FRMD5: variants seen among roughly 807,000 people sequenced by gnomAD.
FRMD5 encodes the protein FERM domain containing 5.
In FRMD5, 20 loss-of-function variants were observed where a neutral mutation model predicts 69.0. The observed-to-expected ratio is 0.29, with a 90% CI of 0.20 to 0.42. The LOEUF is 0.42. FRMD5 is among the 10% of genes least tolerant of loss of function. FRMD5 has a pLI of 1.00. For missense variants in FRMD5, 595 were observed against 708.6 expected, an observed-to-expected ratio of 0.84 and a Z score of 1.82; for synonymous variants, 271 against 260.1, an observed-to-expected ratio of 1.04 and a Z score of -0.40.
intron 1 of FRMD5, among the ~76,000 whole-genome samples, chr15:44,015,185 G>C (rs1014774184): frequency 6.6e-6 from 1 of 151,816 alleles, no homozygotes; most frequent in Non-Finnish European, 1.5e-5. Context: ...GCCTAGGCTG[G>C]AGTATAACAG....
chr15:43,990,986 G>A (rs1889647228), intron 1 of FRMD5, among the ~76,000 whole-genome samples: 1 of 152,124 alleles, frequency 6.6e-6, no homozygotes, highest in Non-Finnish European at 1.5e-5. Flanking sequence ...AGTGAAAGAG[G>A]TACTATATAT....
intron 8 of FRMD5, among the ~76,000 whole-genome samples, chr15:43,889,859 G>A (rs2088753632): frequency 6.6e-6 from 1 of 152,152 alleles, no homozygotes; most frequent in Admixed American, 6.5e-5. Context: ...GTCTTGTCAT[G>A]CACATTCACC....
chr15:43,874,985 G>A (rs938732890), intron 13 of FRMD5, among the ~76,000 whole-genome samples: 1 of 152,080 alleles, frequency 6.6e-6, no homozygotes, highest in Non-Finnish European at 1.5e-5. Context: ...GGATCATGAG[G>A]TAAGGAGTTC....
chr15:44,138,343 T>C (rs746148406), intron 1 of FRMD5, among the ~76,000 whole-genome samples: 1 of 152,054 alleles, frequency 6.6e-6, no homozygotes, highest in African/African-American at 2.4e-5. Context: ...CCAATCAGGA[T>C]AAACATAAAT....
In FRMD5 at chr15:43,873,281, G is replaced by C; in HGVS notation, c.*604C>G. Reference sequence around the variant, plus strand: ...AATCCAACTCAGACCATCATAAGAAGCAACTTTCCATTTAATCATTCTACA... The same window carrying C: ...AATCCAACTCAGACCATCATAAGAACCAACTTTCCATTTAATCATTCTACA... On this transcript the variant is annotated 3_prime_UTR_variant, in exon 14 of 14. Coordinates refer to ENST00000417257, the MANE Select transcript of FRMD5 (RefSeq NM_032892.5). The C allele has an allele frequency of 6.5e-7, 1 of 1,537,002 alleles. No individual in the cohort carries two copies. The highest frequency in any genetic ancestry group is 1.7e-4 in the Middle Eastern group (1 of 5,920).
intron 1 of FRMD5, among the ~76,000 whole-genome samples, chr15:44,029,742 C>A (rs1228470412): frequency 6.6e-6 from 1 of 152,182 alleles, no homozygotes; most frequent in East Asian, 1.9e-4. Context: ...AATTACCTAT[C>A]AGGCTTTAAA....
At chr15:44,178,534 G>A (rs1372936762) in intron 1 of FRMD5, among the ~76,000 whole-genome samples, 3 of 152,054 alleles carry the variant, frequency 2.0e-5, no homozygotes, top group East Asian at 1.9e-4. Flanking sequence ...CAATATAGTC[G>A]AAAACATATG....
chr15:43,890,707 T>C (rs949014933), intron 8 of FRMD5, among the ~76,000 whole-genome samples: 4 of 152,088 alleles, frequency 2.6e-5, no homozygotes, highest in African/African-American at 9.7e-5. Flanking sequence ...GAAACAGGTA[T>C]GTTGGGGTGT....
intron 1 of FRMD5, among the ~76,000 whole-genome samples, chr15:44,021,121 C>CA (rs908749065): frequency 6.6e-6 from 1 of 151,904 alleles, no homozygotes; most frequent in East Asian, 1.9e-4. Flanking sequence ...CCAGTCTCTA[C>CA]AAAAAAATAC....
intron 1 of FRMD5, among the ~76,000 whole-genome samples, chr15:44,116,224 TATAG>T (rs1566953962): frequency 6.7e-6 from 1 of 149,574 alleles, no homozygotes; most frequent in Non-Finnish European, 1.5e-5. Context: ...ATTATATATA[TATAG>T]AGAGAGAGAG....
intron 1 of FRMD5, among the ~76,000 whole-genome samples, chr15:44,026,447 GT>G (rs1419242482): frequency 6.6e-6 from 1 of 152,038 alleles, no homozygotes; most frequent in Non-Finnish European, 1.5e-5. Flanking sequence ...GTTCTATCTA[GT>G]TTTTTTCCCT....
intron 13 of FRMD5, among the ~76,000 whole-genome samples, chr15:43,881,323 G>A (rs922711544): frequency 6.6e-6 from 1 of 152,174 alleles, no homozygotes; most frequent in Admixed American, 6.5e-5. Context: ...TACTTCCTGA[G>A]ATGTACACCC....
At chr15:44,061,345 G>A (rs1893080665) in intron 1 of FRMD5, among the ~76,000 whole-genome samples, 2 of 152,164 alleles carry the variant, frequency 1.3e-5, no homozygotes, top group South Asian at 4.1e-4. Flanking sequence ...TATGGTTTCA[G>A]TCTGGGCTTA....
chr15:43,890,132 C>G (rs540082829), intron 8 of FRMD5, among the ~76,000 whole-genome samples: 1 of 152,230 alleles, frequency 6.6e-6, no homozygotes, highest in East Asian at 1.9e-4. Flanking sequence ...AACTCCCTCT[C>G]AATCAACCAT....
chr15:43,880,151 C>G (rs571614680), intron 13 of FRMD5, among the ~76,000 whole-genome samples: 1 of 152,154 alleles, frequency 6.6e-6, no homozygotes, highest in South Asian at 2.1e-4. Context: ...TCCAGGCCTG[C>G]CCTGGTGCCA....
At chr15:44,052,419 C>T (rs1892707637) in intron 1 of FRMD5, among the ~76,000 whole-genome samples, 1 of 152,148 alleles carries the variant, frequency 6.6e-6, no homozygotes, top group Admixed American at 6.5e-5. Context: ...CTAGAATCAG[C>T]CATTTCTCTA....
intron 1 of FRMD5, among the ~76,000 whole-genome samples, chr15:43,962,101 G>T (rs2090211882): frequency 6.6e-6 from 1 of 152,216 alleles, no homozygotes; most frequent in Non-Finnish European, 1.5e-5. Context: ...ATTAGGAAAA[G>T]AGGAAGTCAA....
chr15:43,883,601 C>T (rs1425313112), intron 13 of FRMD5, 102 bp downstream of exon 13: 9 of 815,030 alleles, frequency 1.1e-5, no homozygotes, highest in East Asian at 2.5e-5. Context: ...CCCTTTTCCC[C>T]AAGAGACATG....
intron 1 of FRMD5, among the ~76,000 whole-genome samples, chr15:43,925,746 C>T (rs2089573839): frequency 6.6e-6 from 1 of 152,206 alleles, no homozygotes; most frequent in Non-Finnish European, 1.5e-5. Context: ...CTGAACTCCC[C>T]AAGGCTTTTC....
Sources: allele counts gnomAD v4.1 joint callset (sites outside exome capture counted in the v4.1 genomes callset), GRCh38; gene constraint gnomAD v4.1.1; transcripts MANE v1.5; gene names NCBI Gene and HGNC (gene_info 2026-07-23, HGNC 2026-07-21).